PVT1: variants seen among roughly 807,000 people sequenced by gnomAD.
The protein encoded by PVT1 is CXCR4/PVT1 fusion.
chr8:128,062,139 G>T (rs1586503470), intron 4 of PVT1, among the ~76,000 whole-genome samples: 1 of 152,180 alleles, frequency 6.6e-6, no homozygotes, highest in African/African-American at 2.4e-5. Flanking sequence ...CTCCCAACTG[G>T]TGAATGCCTG....
chr8:127,862,017 A>T (rs1815234003), intron 2 of PVT1, among the ~76,000 whole-genome samples: 1 of 152,196 alleles, frequency 6.6e-6, no homozygotes, highest in Admixed American at 6.5e-5. Context: ...AGGAGTATTT[A>T]ACCAGTCACC....
At chr8:127,879,312 T>C (rs1336321162) in intron 2 of PVT1, among the ~76,000 whole-genome samples, 1 of 152,166 alleles carries the variant, frequency 6.6e-6, no homozygotes, top group African/African-American at 2.4e-5. Flanking sequence ...GGGTATCAGT[T>C]GAGGTCAGGA....
chr8:128,046,110 G>A (rs2720709), intron 4 of PVT1, among the ~76,000 whole-genome samples: 52,411 of 151,962 alleles, frequency 0.34, 9,332 homozygotes, highest in East Asian at 0.51. Flanking sequence ...GTGTTAGCTC[G>A]AACCTTCTCA....
intron 5 of PVT1, among the ~76,000 whole-genome samples, chr8:128,087,668 T>G (rs1158669003): frequency 6.6e-6 from 1 of 151,804 alleles, no homozygotes; most frequent in Non-Finnish European, 1.5e-5. Context: ...AATGATTGGC[T>G]CACCAAAGTT....
chr8:128,053,388 CAT>C (rs1020247126), intron 4 of PVT1, among the ~76,000 whole-genome samples: 8 of 149,426 alleles, frequency 5.4e-5, no homozygotes, highest in African/African-American at 2.0e-4. Flanking sequence ...CACACACACA[CAT>C]ATATATGTAT....
chr8:127,800,628 C>T (rs1021095472), intron 2 of PVT1, among the ~76,000 whole-genome samples: 4 of 152,054 alleles, frequency 2.6e-5, no homozygotes, highest in African/African-American at 4.8e-5. Context: ...TATTTTTTCT[C>T]GATAGGGCTT....
chr8:128,052,144 C>T (rs1265223635), intron 4 of PVT1, among the ~76,000 whole-genome samples: 1 of 152,182 alleles, frequency 6.6e-6, no homozygotes, highest in African/African-American at 2.4e-5. Flanking sequence ...AAGTTTACTG[C>T]TGGAATTCTT....
At chr8:127,815,987 G>C (rs755814810) in intron 2 of PVT1, among the ~76,000 whole-genome samples, 11 of 152,136 alleles carry the variant, frequency 7.2e-5, no homozygotes, top group Non-Finnish European at 1.5e-4. Context: ...AGCTGGGCTT[G>C]GTGGCACATG....
chr8:128,074,362 T>A (rs1176477334), intron 5 of PVT1, among the ~76,000 whole-genome samples: 1 of 149,594 alleles, frequency 6.7e-6, no homozygotes, highest in East Asian at 2.0e-4. Flanking sequence ...AAAATAAAAA[T>A]AAAAAAAAAA....
intron 3 of PVT1, among the ~76,000 whole-genome samples, chr8:127,981,305 A>T (rs1401307569): frequency 6.6e-6 from 1 of 152,126 alleles, no homozygotes; most frequent in Non-Finnish European, 1.5e-5. Flanking sequence ...CTACCCAAAG[A>T]GCTTGGAGAG....
chr8:128,025,212 GT>G (rs1817479429), intron 4 of PVT1, among the ~76,000 whole-genome samples: 1 of 152,136 alleles, frequency 6.6e-6, no homozygotes, highest in Non-Finnish European at 1.5e-5. Context: ...TTGCTCAGCG[GT>G]TCGGGGTACG....
intron 3 of PVT1, among the ~76,000 whole-genome samples, chr8:127,980,554 G>A (rs750168999): frequency 1.3e-5 from 2 of 152,004 alleles, no homozygotes; most frequent in Non-Finnish European, 2.9e-5. Flanking sequence ...TCAGGGAGGG[G>A]GCTCTCTGTT....
intron 3 of PVT1, among the ~76,000 whole-genome samples, chr8:127,979,236 T>C (rs1276156409): frequency 6.6e-6 from 1 of 152,210 alleles, no homozygotes; most frequent in Admixed American, 6.5e-5. Flanking sequence ...AGAAAATGGG[T>C]CTCTAACTCA....
intron 4 of PVT1, among the ~76,000 whole-genome samples, chr8:128,026,863 G>A (rs770820077): frequency 6.6e-6 from 1 of 152,120 alleles, no homozygotes; most frequent in Admixed American, 6.5e-5. Context: ...TCTGGGGAAC[G>A]TGACCGGCCT....
chr8:127,889,410 G>T (rs569259799), intron 2 of PVT1, among the ~76,000 whole-genome samples: 1 of 150,400 alleles, frequency 6.6e-6, no homozygotes, highest in Non-Finnish European at 1.5e-5. Context: ...GATTACAGGC[G>T]TGAGCCACCG....
At chr8:127,915,904 A>G (rs1815978802) in intron 3 of PVT1, among the ~76,000 whole-genome samples, 1 of 152,210 alleles carries the variant, frequency 6.6e-6, no homozygotes, top group Admixed American at 6.5e-5. Flanking sequence ...TGGGTACATC[A>G]CCTGACCCTG....
At chr8:127,987,249 T>C (rs529458382) in intron 3 of PVT1, among the ~76,000 whole-genome samples, 14 of 152,206 alleles carry the variant, frequency 9.2e-5, no homozygotes, top group Non-Finnish European at 1.9e-4. Flanking sequence ...CACTGTCTCA[T>C]TTAATCCTGT....
At chr8:128,084,128 T>A (rs2648891) in intron 5 of PVT1, among the ~76,000 whole-genome samples, 30,417 of 151,996 alleles carry the variant, frequency 0.2, 3,784 homozygotes, top group African/African-American at 0.34. Flanking sequence ...GGGGATCCTT[T>A]AAAAATGTGA....
At chr8:127,827,285 C>T (rs1258751530) in intron 2 of PVT1, among the ~76,000 whole-genome samples, 1 of 152,108 alleles carries the variant, frequency 6.6e-6, no homozygotes, top group East Asian at 1.9e-4. Context: ...CGTGAGCCAC[C>T]ACACCCGACC....
Sources: gnomAD v4.1 joint callset for allele counts (sites outside exome capture counted in the v4.1 genomes callset) on GRCh38, gnomAD v4.1.1 for gene constraint, MANE v1.5 for transcripts, NCBI Gene and HGNC (gene_info 2026-07-23, HGNC 2026-07-21) for gene names.